The following INTS6L variants were observed in gnomAD, a reference collection of about 807,000 sequenced individuals.
INTS6L encodes the protein integrator complex subunit 6 like, also known as integrator complex subunit 6-like.
In INTS6L, 18 loss-of-function variants were observed where a neutral mutation model predicts 64.7. The ratio of observed to expected loss-of-function variants is 0.28; its 90% CI spans 0.19 to 0.41. The LOEUF (loss-of-function observed/expected upper bound fraction) is 0.41. Among genes scored for constraint, INTS6L ranks in the 10% least tolerant of loss-of-function variants. INTS6L has a pLI of 1.00. For synonymous variants in INTS6L, 227 were observed against 235.9 expected, an observed-to-expected ratio of 0.96 and a Z score of 0.34; for missense variants, 533 against 661.0, an observed-to-expected ratio of 0.81 and a Z score of 2.12.
At chrX:135,537,472 A>G (rs1366168490) in intron 2 of INTS6L, among the ~76,000 whole-genome samples, 4 of 112,008 alleles carry the variant, frequency 3.6e-5, no homozygotes, top group African/African-American at 1.3e-4. Flanking sequence ...ATTATAGGAT[A>G]TAAAAACTGC....
At chrX:135,545,368 TTATA>T (rs2086326923) in intron 2 of INTS6L, 51 bp from the exon 3 acceptor site, 7 of 1,175,358 alleles carry the variant, frequency 6.0e-6, no homozygotes, top group Middle Eastern at 2.4e-4. Flanking sequence ...TGATTGTACT[TTATA>T]TATTGTTCAT....
chrX:135,534,749 C>T (rs1429680757), intron 2 of INTS6L, among the ~76,000 whole-genome samples: 1 of 101,981 alleles, frequency 9.8e-6, no homozygotes, highest in East Asian at 3.0e-4. Context: ...GTGGCGTTAT[C>T]GTAGCTCACT....
At chrX:135,551,721 GT>G (rs1240978716) in intron 7 of INTS6L, among the ~76,000 whole-genome samples, 107 of 110,737 alleles carry the variant, frequency 9.7e-4, no homozygotes, top group Admixed American at 2.9e-3. Context: ...ATTCAAAACA[GT>G]TTTTTTTCAA....
chrX:135,523,333 C>G (rs1556498926), intron 2 of INTS6L, among the ~76,000 whole-genome samples: 1 of 91,741 alleles, frequency 1.1e-5, no homozygotes, highest in East Asian at 3.7e-4. Context: ...ACCCGGGAGT[C>G]GGAGGTTGCA....
intron 11 of INTS6L, chrX:135,571,685 T>TATTTATTTA (rs2087095083): frequency 8.9e-6 from 1 of 112,149 alleles, no homozygotes; most frequent in Admixed American, 9.5e-5. Context: ...ATGTTTTGGT[T>TATTTATTTA]TGGTTATTTA....
chrX:135,529,052 G>A (rs782030843), intron 2 of INTS6L, among the ~76,000 whole-genome samples: 2 of 111,682 alleles, frequency 1.8e-5, no homozygotes, highest in South Asian at 7.5e-4. Flanking sequence ...CCAACTGGTT[G>A]GGTTAGAAGT....
Position 135,546,836 on chromosome X carries a change from C to T in INTS6L, c.564C>T (p.Ser188=). The part of the protein sequence containing the change: ...VASTEPEQLG[S]VPTDESAITQ... ...CTACCGAACCAGAGCAACTAGGGAG[C>T]GTACCAACTGATGAATCTGCCATCA... The change falls in exon 5 of 18, where the codon AGC becomes AGT. Residue 188 remains serine, a synonymous_variant. Transcript: ENST00000639893. 5 of 1,208,697 alleles carry T rather than the reference C, an allele frequency of 4.1e-6. No homozygotes were observed. The highest frequency in any genetic ancestry group is 3.0e-5 in the East Asian group (1 of 33,719).
intron 8 of INTS6L, 140 bp from the exon 9 acceptor site, chrX:135,556,028 C>A: frequency 1.6e-6 from 1 of 607,528 alleles, no homozygotes; most frequent in Non-Finnish European, 2.4e-6. Context: ...TTTGACATAA[C>A]CATAGGCTAA....
At chrX:135,577,022 T>C (rs1556531366) in intron 14 of INTS6L, among the ~76,000 whole-genome samples, 171 bp from the exon 15 acceptor site, 1 of 110,961 alleles carries the variant, frequency 9.0e-6, no homozygotes, top group Non-Finnish European at 1.9e-5. Flanking sequence ...CGGCCCATGA[T>C]TAAGGTTTAT....
intron 9 of INTS6L, among the ~76,000 whole-genome samples, chrX:135,568,804 C>T (rs1476972418): frequency 9.0e-6 from 1 of 111,540 alleles, no homozygotes; most frequent in African/African-American, 3.3e-5. Context: ...TCTGAGCCTC[C>T]CAAAGTGTTG....
At chrX:135,527,058 T>C (rs1556501677) in intron 2 of INTS6L, among the ~76,000 whole-genome samples, 3 of 111,999 alleles carry the variant, frequency 2.7e-5, no homozygotes, top group African/African-American at 9.8e-5. Context: ...AGAAAATACA[T>C]GAATCCTAAT....
intron 3 of INTS6L, 89 bp from the exon 4 acceptor site, chrX:135,546,291 C>A: frequency 1.8e-6 from 1 of 559,023 alleles, no homozygotes; most frequent in Non-Finnish European, 2.6e-6. Flanking sequence ...TTATCATATT[C>A]TTGAGAGATC....
intron 2 of INTS6L, among the ~76,000 whole-genome samples, chrX:135,538,214 C>T (rs1485457665): frequency 8.9e-6 from 1 of 112,315 alleles, no homozygotes; most frequent in Non-Finnish European, 1.9e-5. Context: ...TATTGGAGTC[C>T]ATCCTCAAAC....
At chrX:135,577,941 G>T (rs1182869075) in intron 15 of INTS6L, among the ~76,000 whole-genome samples, 1 of 112,205 alleles carries the variant, frequency 8.9e-6, no homozygotes, top group African/African-American at 3.2e-5. Context: ...GGTCACTAGT[G>T]TGTGCAGCAC....
chrX:135,553,455 A>T (rs782040256), intron 8 of INTS6L, among the ~76,000 whole-genome samples: 1 of 103,058 alleles, frequency 9.7e-6, no homozygotes, highest in East Asian at 3.0e-4. Context: ...ACAGGCACAC[A>T]CCACAATTCC....
chrX:135,547,919 A>G (rs2086397054), intron 6 of INTS6L, among the ~76,000 whole-genome samples: 1 of 111,395 alleles, frequency 9.0e-6, no homozygotes, highest in African/African-American at 3.3e-5. Flanking sequence ...TTGAATGCAA[A>G]TGAATTTCAA....
Position 135,552,064 on chromosome X carries a change from T to C in INTS6L, c.977T>C (p.Leu326Pro). ...VDCEPMVIDK[L>P]PFDKYELEPS... The stretch of plus-strand genomic sequence containing the variant: ...TGTGAGCCAATGGTAATAGACAAAC[T>C]TCCTTTTGACAAATATGAACTTGAA... The change falls in exon 8 of 18, where the codon CTT (leucine) becomes CCT (proline). Residue 326 changes from leucine (L) to proline (P), a missense_variant. Coordinates refer to ENST00000639893, the MANE Select transcript of INTS6L (RefSeq NM_001351601.3). 1 of 1,203,877 alleles carries C rather than the reference T, an allele frequency of 8.3e-7. No homozygotes were observed. The highest frequency in any genetic ancestry group is 1.1e-6 in the Non-Finnish European group (1 of 892,015).
At chrX:135,569,001 T>G (rs1050223935) in intron 9 of INTS6L, among the ~76,000 whole-genome samples, 7 of 112,236 alleles carry the variant, frequency 6.2e-5, no homozygotes, top group Non-Finnish European at 1.3e-4. Context: ...CATCAACCAG[T>G]GACCATGGAT....
In INTS6L at chrX:135,520,898, G is replaced by T. The variant is rs782522547; in HGVS notation, c.-95G>T. 5.4e-5 allele frequency: 50 copies of T among 933,186 alleles called. No homozygotes were observed. In the African/African-American group the frequency reaches 9.1e-4, roughly 17 times the overall value. 76.9% of individuals were successfully genotyped at this position (933,186 alleles called of 1,213,427 possible). On this transcript the variant is annotated 5_prime_UTR_variant, in exon 1 of 18. Transcript: ENST00000639893. ...CTCTTCCTCTTGCTCCTTGCTCCCC[G>T]GCTCTGCGAGAGTTGAGGGTTCAGG...
Sources: gnomAD v4.1 joint callset for allele counts (sites outside exome capture counted in the v4.1 genomes callset) on GRCh38, gnomAD v4.1.1 for gene constraint, MANE v1.5 for transcripts, NCBI Gene and HGNC (gene_info 2026-07-23, HGNC 2026-07-21) for gene names.